WWOX: variants seen among roughly 807,000 people sequenced by gnomAD.
The protein encoded by WWOX is WW domain-containing oxidoreductase.
A neutral mutation model predicts 46.2 loss-of-function variants in WWOX; 69 were observed. That is an observed-to-expected ratio of 1.49 (90% CI 1.23 to 1.82). The LOEUF (loss-of-function observed/expected upper bound fraction) is 1.82. WWOX is among the 40% of genes most tolerant of loss of function. The probability of loss-of-function intolerance (pLI) is 0.00; values close to 1 mark genes in which losing one functional copy is unlikely to be tolerated. For synonymous variants in WWOX, 359 were observed against 202.6 expected (o/e 1.77, Z -6.56); for missense variants, 919 against 542.6 (o/e 1.69, Z -6.89).
rs747201371 is a variant in WWOX, at chr16:78,223,025, G to C, written c.516+58736G>C. 2.8e-4 allele frequency among the ~76,000 whole-genome samples: 43 copies of C among 152,294 alleles called. 1 individual carries two copies. The highest frequency in any genetic ancestry group is 1.4e-3 in the Admixed American group (21 of 15,296). ...TGTCATTCCCCTTTCAGTCTCAGGAGATTCTGGTTGAAGCTCTGGCATGGA... is the reference window on the plus strand; with the variant it reads ...TGTCATTCCCCTTTCAGTCTCAGGACATTCTGGTTGAAGCTCTGGCATGGA... On this transcript the variant is annotated intron_variant, in intron 5 of 8. Coordinates refer to ENST00000566780, the MANE Select transcript of WWOX (RefSeq NM_016373.4).
rs558457397 is a variant in WWOX at position 79,156,447 on chromosome 16, C to T, written c.1057-55161C>T. Reference sequence around the variant, plus strand: ...AAGTGCTGGGATAACAGGCGTGAGCCACCGCTCCCAGCAACAATTGCAGTT... The same window carrying T: ...AAGTGCTGGGATAACAGGCGTGAGCTACCGCTCCCAGCAACAATTGCAGTT... On this transcript the variant is annotated intron_variant, in intron 8 of 8. Coordinates refer to ENST00000566780, the MANE Select transcript of WWOX (RefSeq NM_016373.4). Among the ~76,000 whole-genome samples the T allele has an allele frequency of 2.0e-5, 3 of 152,332 alleles. No homozygotes were observed. In the East Asian group the frequency reaches 5.8e-4, roughly 29 times the overall value.
chr16:78,279,557 G>A (rs915513168), intron 5 of WWOX, among the ~76,000 whole-genome samples: 2 of 152,178 alleles, frequency 1.3e-5, no homozygotes, highest in African/African-American at 4.8e-5. Context: ...CAAAAAGAGA[G>A]TTAGTTAAAT....
intron 8 of WWOX, among the ~76,000 whole-genome samples, chr16:79,193,623 T>C (rs566214187): frequency 3.0e-4 from 46 of 152,274 alleles, no homozygotes; most frequent in African/African-American, 1.1e-3. Context: ...CTTTTAAAAA[T>C]ATTGCAAATT....
chr16:78,768,088 T>C (rs1186726643), intron 8 of WWOX, among the ~76,000 whole-genome samples: 2 of 152,026 alleles, frequency 1.3e-5, no homozygotes, highest in Non-Finnish European at 2.9e-5. Flanking sequence ...TATTGTATTC[T>C]TATTATGTGT....
At chr16:78,460,412 C>G (rs1311973809) in intron 8 of WWOX, among the ~76,000 whole-genome samples, 1 of 152,180 alleles carries the variant, frequency 6.6e-6, no homozygotes, top group African/African-American at 2.4e-5. Flanking sequence ...CTGGCTGATA[C>G]TTTCCTTAGT....
intron 5 of WWOX, among the ~76,000 whole-genome samples, chr16:78,240,826 C>A (rs2037619822): frequency 6.6e-6 from 1 of 152,270 alleles, no homozygotes; most frequent in South Asian, 2.1e-4. Context: ...TTAGAAGATC[C>A]CTGTCTCATT....
At chr16:78,758,931 A>G (rs2049723504) in intron 8 of WWOX, among the ~76,000 whole-genome samples, 1 of 148,998 alleles carries the variant, frequency 6.7e-6, no homozygotes, top group South Asian at 2.1e-4. Flanking sequence ...AAAAAACCAC[A>G]AAAGACAAAA....
At chr16:78,835,649 G>A (rs1417087048) in intron 8 of WWOX, among the ~76,000 whole-genome samples, 2 of 152,160 alleles carry the variant, frequency 1.3e-5, no homozygotes, top group Non-Finnish European at 2.9e-5. Flanking sequence ...ACAGAGATGC[G>A]ACGTGACTTG....
chr16:78,862,078 A>C (rs1461259054), intron 8 of WWOX, among the ~76,000 whole-genome samples: 9 of 152,030 alleles, frequency 5.9e-5, no homozygotes. Flanking sequence ...GCATATCTAT[A>C]CACACCTACG....
At chr16:78,870,206 C>A (rs1002131733) in intron 8 of WWOX, among the ~76,000 whole-genome samples, 1 of 152,184 alleles carries the variant, frequency 6.6e-6, no homozygotes, top group Non-Finnish European at 1.5e-5. Context: ...AATCTGCTTC[C>A]TCAAGATTCT....
At chr16:78,331,885 C>A (rs189309371) in intron 5 of WWOX, among the ~76,000 whole-genome samples, 1 of 152,242 alleles carries the variant, frequency 6.6e-6, no homozygotes, top group African/African-American at 2.4e-5. Flanking sequence ...TTTACAGACA[C>A]AGAAACTAAG....
At chr16:78,888,060 C>G (rs1259958050) in intron 8 of WWOX, among the ~76,000 whole-genome samples, 2 of 152,206 alleles carry the variant, frequency 1.3e-5, no homozygotes, top group Admixed American at 6.5e-5. Flanking sequence ...TTCAAGCTGT[C>G]AGCCATGAAT....
chr16:79,046,215 T>C (rs1329684341), intron 8 of WWOX, among the ~76,000 whole-genome samples: 1 of 152,212 alleles, frequency 6.6e-6, no homozygotes, highest in Non-Finnish European at 1.5e-5. Flanking sequence ...TCAGTATGTA[T>C]CCAAGTGTTT....
intron 8 of WWOX, among the ~76,000 whole-genome samples, chr16:79,093,278 A>G (rs778430568): frequency 1.3e-5 from 2 of 152,342 alleles, no homozygotes; most frequent in Admixed American, 6.5e-5. Context: ...ACACAGAAAC[A>G]CTAAATACCT....
chr16:78,383,441 A>T (rs1389694227), intron 5 of WWOX, among the ~76,000 whole-genome samples: 2 of 152,176 alleles, frequency 1.3e-5, no homozygotes, highest in Non-Finnish European at 2.9e-5. Flanking sequence ...AAAGTGAATT[A>T]TGGTCAGTTG....
chr16:78,838,414 T>G (rs2052049235), intron 8 of WWOX, among the ~76,000 whole-genome samples: 1 of 152,164 alleles, frequency 6.6e-6, no homozygotes, highest in Non-Finnish European at 1.5e-5. Context: ...ATGTTGAGAC[T>G]TACACGTATA....
At position 79,042,271 on chromosome 16, in the gene WWOX, T is replaced by G. The variant is rs554309512; in HGVS notation, c.1057-169337T>G. ...CTCCCAAAAGCTGAGGCTTCCTCAC[T>G]GTCTTTTGCATTATGTCATGGGTGG... On this transcript the variant is annotated intron_variant, in intron 8 of 8. Transcript: ENST00000566780. Among the ~76,000 whole-genome samples, 83 of 152,346 alleles carry G rather than the reference T, an allele frequency of 5.4e-4. 1 individual carries two copies. The highest frequency in any genetic ancestry group is 1.8e-3 in the African/African-American group (75 of 41,580).
intron 8 of WWOX, among the ~76,000 whole-genome samples, chr16:78,665,778 G>C (rs1337391669): frequency 6.6e-6 from 1 of 152,212 alleles, no homozygotes; most frequent in African/African-American, 2.4e-5. Flanking sequence ...TCCACCTCCT[G>C]GGTTCGAGTG....
intron 8 of WWOX, among the ~76,000 whole-genome samples, chr16:79,155,386 C>A (rs578252785): frequency 7.8e-4 from 119 of 151,674 alleles, no homozygotes; most frequent in Non-Finnish European, 1.4e-3. Flanking sequence ...ACAACAACAA[C>A]AAAAAAGGTG....
Sources: gnomAD v4.1 joint callset for allele counts (sites outside exome capture counted in the v4.1 genomes callset) on GRCh38, gnomAD v4.1.1 for gene constraint, MANE v1.5 for transcripts, NCBI Gene and HGNC (gene_info 2026-07-23, HGNC 2026-07-21) for gene names.